ANO1: variants seen among roughly 807,000 people sequenced by gnomAD.
ANO1 encodes the protein anoctamin-1.
A neutral mutation model predicts 124.0 loss-of-function variants in ANO1; 59 were observed. The observed-to-expected ratio is 0.48, with a 90% CI of 0.39 to 0.59. The LOEUF is 0.59. ANO1 is among the 20% of genes least tolerant of loss of function. The pLI is 0.00. For synonymous variants in ANO1, 529 were observed against 532.0 expected, an observed-to-expected ratio of 0.99 and a Z score of 0.08; for missense variants, 1,059 against 1,328.0, an observed-to-expected ratio of 0.80 and a Z score of 3.15.
At chr11:70,130,857 G>T (rs75444586) in intron 10 of ANO1, among the ~76,000 whole-genome samples, 37 of 152,186 alleles carry the variant, frequency 2.4e-4, no homozygotes, top group Non-Finnish European at 4.0e-4. Flanking sequence ...CCCAGCCCCC[G>T]TTCTCCCAGA....
the ANO1 span, among the ~76,000 whole-genome samples, chr11:69,976,638 C>CA: frequency 1.5e-4 from 22 of 150,396 alleles, no homozygotes; most frequent in Non-Finnish European, 1.9e-4. Flanking sequence ...TGGCCATCTG[C>CA]AAGCCAAGGA....
intron 1 of ANO1, among the ~76,000 whole-genome samples, chr11:70,005,065 A>G (rs750833101): frequency 3.9e-4 from 58 of 148,478 alleles, no homozygotes; most frequent in Non-Finnish European, 7.8e-4. Context: ...GTGAGCCGAG[A>G]TCGTGCCACT....
chr11:70,121,829 A>C (rs1360533352), intron 8 of ANO1, among the ~76,000 whole-genome samples: 26 of 25,954 alleles, frequency 1.0e-3, no homozygotes, highest in Non-Finnish European at 1.3e-3. Context: ...CATCTCCCCC[A>C]CCTCTCTGTC....
At chr11:70,145,796 G>T (rs1371333083) in intron 11 of ANO1, among the ~76,000 whole-genome samples, 3 of 151,984 alleles carry the variant, frequency 2.0e-5, no homozygotes, top group African/African-American at 7.3e-5. Flanking sequence ...AATTAGCCGG[G>T]CGTGGTGGCA....
At chr11:70,050,134 C>T (rs982663238) in intron 1 of ANO1, among the ~76,000 whole-genome samples, 3 of 152,198 alleles carry the variant, frequency 2.0e-5, no homozygotes, top group Admixed American at 6.5e-5. Context: ...TTGCCTGGAG[C>T]TTTTCCTCCT....
At chr11:70,047,228 A>T (rs1857275572) in intron 1 of ANO1, among the ~76,000 whole-genome samples, 1 of 152,158 alleles carries the variant, frequency 6.6e-6, no homozygotes, top group African/African-American at 2.4e-5. Flanking sequence ...TGGTTCATTA[A>T]TTGTAACAAA....
At chr11:70,154,884 C>T (rs537864231) in intron 14 of ANO1, among the ~76,000 whole-genome samples, 33 of 152,352 alleles carry the variant, frequency 2.2e-4, no homozygotes, top group African/African-American at 7.0e-4. Context: ...CTTAACACAT[C>T]GGATGTGCAC....
At chr11:69,977,593 A>G in the ANO1 span, among the ~76,000 whole-genome samples, 2 of 152,226 alleles carry the variant, frequency 1.3e-5, no homozygotes, top group African/African-American at 4.8e-5. Flanking sequence ...AGGACTGGGC[A>G]TTGCCTGGCT....
rs1857280653 is a variant in ANO1 at position 70,047,527 on chromosome 11, G to A, written c.59-31015G>A. Among the ~76,000 whole-genome samples, 5 of 152,280 alleles carry A rather than the reference G, an allele frequency of 3.3e-5. No individual in the cohort carries two copies. The South Asian group carries it at 1.0e-3, about 32-fold the overall frequency. ...ACTCTTTCCCTTCAATGGGGATAGA[G>A]AACAAAAGACCAAAGAAAGACTCTT... is the stretch of plus-strand genomic sequence containing the variant. On this transcript the variant is annotated intron_variant, in intron 1 of 27. Coordinates refer to the ANO1 transcript ENST00000531349.
intron 1 of ANO1, among the ~76,000 whole-genome samples, chr11:70,043,077 A>C (rs1857207081): frequency 1.3e-5 from 2 of 152,232 alleles, no homozygotes; most frequent in African/African-American, 4.8e-5. Context: ...AGAAAAGAAT[A>C]TTAAAATGAT....
At chr11:70,149,936 C>A (rs540961083) in intron 12 of ANO1, 144 bp downstream of exon 12, 2 of 817,428 alleles carry the variant, frequency 2.4e-6, no homozygotes, top group Middle Eastern at 3.3e-4. Context: ...ATCCCCCACC[C>A]CCTGCCTGCC....
chr11:70,043,399 T>A (rs186494015), intron 1 of ANO1, among the ~76,000 whole-genome samples: 1 of 152,132 alleles, frequency 6.6e-6, no homozygotes, highest in Non-Finnish European at 1.5e-5. Context: ...GGAAGTGGGG[T>A]GCAGAAAAAA....
intron 1 of ANO1, among the ~76,000 whole-genome samples, chr11:70,006,637 C>A: frequency 8.4e-6 from 1 of 119,324 alleles, no homozygotes; most frequent in Non-Finnish European, 1.8e-5. Flanking sequence ...TCTTTCTTTT[C>A]TTTCTTCTTT....
intron 2 of ANO1, among the ~76,000 whole-genome samples, chr11:70,089,828 T>C (rs985103622): frequency 6.6e-6 from 1 of 152,156 alleles, no homozygotes; most frequent in African/African-American, 2.4e-5. Flanking sequence ...TTCAGAACAA[T>C]GCGGCTACTA....
intron 2 of ANO1, among the ~76,000 whole-genome samples, chr11:70,095,801 G>A (rs751129595): frequency 9.2e-5 from 14 of 152,220 alleles, no homozygotes; most frequent in South Asian, 2.1e-4. Context: ...CCAGCCCCAT[G>A]TGCCTTCTTG....
rs374026859 is a variant in ANO1, at chr11:70,111,659, C to T, written c.800-48C>T. On this transcript the variant is annotated intron_variant, in intron 6 of 25. Transcript: ENST00000355303. ...ACCGCTGTGACTTTACAATGGGAAG[C>T]GGGAGACCCGCCTGCCCCATAACCT... The T allele has an allele frequency of 1.5e-4, 233 of 1,588,734 alleles. 1 individual carries two copies. The highest frequency in any genetic ancestry group is 1.9e-4 in the Non-Finnish European group (216 of 1,157,440).
At chr11:70,097,269 C>T (rs75770039) in intron 2 of ANO1, among the ~76,000 whole-genome samples, 15,108 of 152,262 alleles carry the variant, frequency 0.099, 936 homozygotes, top group Middle Eastern at 0.18. Flanking sequence ...CCCACGGCTG[C>T]ATTCCTTGGG....
rs1305360832 is a variant in ANO1 at position 70,188,141 on chromosome 11, T to C, written c.*137T>C. 7 of 982,824 alleles carry C rather than the reference T, an allele frequency of 7.1e-6. No homozygotes were observed. Among genetic ancestry groups the C allele is most frequent in the Middle Eastern group, 3.3e-4 (1 of 3,062 alleles). 60.9% of individuals were successfully genotyped at this position (982,824 alleles called of 1,614,324 possible). The stretch of plus-strand genomic sequence containing the variant: ...GCAAACATGGAGGACCACTTTCTGA[T>C]AGGACATTTTCCTTTCTTCTTTCTG... On this transcript the variant is annotated 3_prime_UTR_variant, in exon 26 of 26. Transcript: ENST00000355303.
intron 1 of ANO1, among the ~76,000 whole-genome samples, chr11:70,024,653 G>A (rs1465707156): frequency 8.5e-5 from 13 of 152,292 alleles, no homozygotes; most frequent in Non-Finnish European, 1.6e-4. Flanking sequence ...CTCGGGCTCA[G>A]AGACCTTGAT....
Sources: allele counts gnomAD v4.1 joint callset (sites outside exome capture counted in the v4.1 genomes callset), GRCh38; gene constraint gnomAD v4.1.1; transcripts MANE v1.5; gene names NCBI Gene and HGNC (gene_info 2026-07-23, HGNC 2026-07-21).